Variants in GPM6A observed in about 807,000 individuals in gnomAD.
GPM6A encodes the protein neuronal membrane glycoprotein M6-a.
GPM6A carries 7 observed loss-of-function variants against 32.1 expected under a neutral mutation model. That is an observed-to-expected ratio of 0.22 (90% CI 0.12 to 0.41). The LOEUF (loss-of-function observed/expected upper bound fraction) is 0.41. GPM6A is among the 10% of genes least tolerant of loss of function. GPM6A has a pLI of 1.00. For missense variants in GPM6A, 235 were observed against 347.2 expected (o/e 0.68, Z 2.57); for synonymous variants, 130 against 123.4 (o/e 1.05, Z -0.35).
intron 1 of GPM6A, among the ~76,000 whole-genome samples, chr4:175,782,144 C>T (rs1330559577): frequency 6.6e-6 from 1 of 152,106 alleles, no homozygotes; most frequent in Non-Finnish European, 1.5e-5. Context: ...CAGTTTTCTG[C>T]TAAACTCTAA....
At chr4:175,780,267 G>C (rs1308296467) in intron 1 of GPM6A, among the ~76,000 whole-genome samples, 2 of 151,964 alleles carry the variant, frequency 1.3e-5, no homozygotes, top group African/African-American at 4.8e-5. Flanking sequence ...AGGCTGGTCT[G>C]GAACTCCTGA....
chr4:175,702,616 G>A (rs1744943119), intron 1 of GPM6A, among the ~76,000 whole-genome samples: 1 of 152,084 alleles, frequency 6.6e-6, no homozygotes, highest in Non-Finnish European at 1.5e-5. Context: ...CCGAGTTCAA[G>A]AGATTCTCCT....
intron 1 of GPM6A, among the ~76,000 whole-genome samples, chr4:175,777,105 G>T (rs914298004): frequency 6.6e-6 from 1 of 151,898 alleles, no homozygotes; most frequent in Non-Finnish European, 1.5e-5. Flanking sequence ...ATTGTAGTAG[G>T]GAAGATAGTA....
chr4:175,826,842 T>A (rs1735455403), intron 1 of GPM6A, among the ~76,000 whole-genome samples: 1 of 152,078 alleles, frequency 6.6e-6, no homozygotes, highest in South Asian at 2.1e-4. Flanking sequence ...AGAGTCCTAA[T>A]GTTGATTTAT....
At chr4:175,782,453 T>C (rs758469891) in intron 1 of GPM6A, among the ~76,000 whole-genome samples, 1 of 152,126 alleles carries the variant, frequency 6.6e-6, no homozygotes, top group South Asian at 2.1e-4. Context: ...CCCTGTAAGG[T>C]AAAGGTGCTA....
intron 1 of GPM6A, among the ~76,000 whole-genome samples, chr4:175,831,102 C>G (rs1579549249): frequency 6.6e-6 from 1 of 152,128 alleles, no homozygotes. Flanking sequence ...TTATTGTCAA[C>G]TAGAAATTAA....
At chr4:175,946,044 G>A (rs886828520) in intron 1 of GPM6A, among the ~76,000 whole-genome samples, 3 of 151,960 alleles carry the variant, frequency 2.0e-5, no homozygotes, top group Non-Finnish European at 4.4e-5. Flanking sequence ...ACGCTATTTG[G>A]ATGCTAGTTA....
At chr4:175,982,549 G>A (rs1740849096) in intron 1 of GPM6A, among the ~76,000 whole-genome samples, 1 of 152,094 alleles carries the variant, frequency 6.6e-6, no homozygotes, top group Non-Finnish European at 1.5e-5. Flanking sequence ...TCAAAAATAA[G>A]CTGAAATTGT....
chr4:175,764,458 T>G (rs1335192888), intron 1 of GPM6A, among the ~76,000 whole-genome samples: 2 of 152,204 alleles, frequency 1.3e-5, no homozygotes, highest in African/African-American at 2.4e-5. Flanking sequence ...GGCTATGATT[T>G]TAGCAGTACA....
At chr4:175,799,559 T>G in intron 1 of GPM6A, among the ~76,000 whole-genome samples, 1 of 152,132 alleles carries the variant, frequency 6.6e-6, no homozygotes, top group East Asian at 1.9e-4. Context: ...GTAGTATTGC[T>G]ATTTTTATGT....
intron 1 of GPM6A, among the ~76,000 whole-genome samples, chr4:175,759,842 C>G (rs536424752): frequency 6.6e-6 from 1 of 152,128 alleles, no homozygotes; most frequent in East Asian, 1.9e-4. Context: ...AAGAGATTAT[C>G]TTTTATAGAC....
chr4:175,894,202 T>C (rs1006860206), intron 1 of GPM6A, among the ~76,000 whole-genome samples: 1 of 152,070 alleles, frequency 6.6e-6, no homozygotes, highest in Non-Finnish European at 1.5e-5. Context: ...ACCGTCCTCA[T>C]GTTAGAATTA....
At chr4:175,793,046 G>T (rs1398160796) in intron 1 of GPM6A, among the ~76,000 whole-genome samples, 1 of 152,112 alleles carries the variant, frequency 6.6e-6, no homozygotes, top group Non-Finnish European at 1.5e-5. Context: ...AGGCATGGTG[G>T]TCTGTGCTTG....
chr4:175,768,638 C>A (rs567277496), intron 1 of GPM6A, among the ~76,000 whole-genome samples: 1 of 151,886 alleles, frequency 6.6e-6, no homozygotes, highest in African/African-American at 2.4e-5. Context: ...TCATTTGCTC[C>A]TTATAAGAGT....
intron 1 of GPM6A, among the ~76,000 whole-genome samples, chr4:175,880,678 GCT>G (rs1159059111): frequency 6.6e-6 from 1 of 152,010 alleles, no homozygotes; most frequent in African/African-American, 2.4e-5. Context: ...TCATGATTTG[GCT>G]CTCTGTTTGT....
intron 1 of GPM6A, among the ~76,000 whole-genome samples, chr4:175,742,895 C>T (rs936118446): frequency 2.0e-5 from 3 of 151,916 alleles, no homozygotes; most frequent in African/African-American, 7.2e-5. Flanking sequence ...GCCTGTAATC[C>T]CAGCACTTAG....
intron 1 of GPM6A, among the ~76,000 whole-genome samples, chr4:175,878,368 C>A (rs933822790): frequency 1.2e-4 from 18 of 152,154 alleles, no homozygotes; most frequent in African/African-American, 4.1e-4. Context: ...CTGTGAGTGC[C>A]CCACCCCTGT....
chr4:175,940,488 A>G (rs763316360), intron 1 of GPM6A, among the ~76,000 whole-genome samples: 8 of 151,680 alleles, frequency 5.3e-5, no homozygotes, highest in Non-Finnish European at 1.0e-4. Context: ...CTAATACTCT[A>G]AAAGTTCTAT....
chr4:175,962,581 T>A (rs1241566919), intron 1 of GPM6A: 2 of 308,442 alleles, frequency 6.5e-6, no homozygotes, highest in Non-Finnish European at 1.3e-5. Flanking sequence ...CATTACTACT[T>A]TGGTTTCTAG....
Sources: allele counts gnomAD v4.1 joint callset (sites outside exome capture counted in the v4.1 genomes callset), GRCh38; gene constraint gnomAD v4.1.1; transcripts MANE v1.5; gene names NCBI Gene and HGNC (gene_info 2026-07-23, HGNC 2026-07-21).